The following WDR83OS variants were observed in gnomAD, a reference collection of about 807,000 sequenced individuals.
WDR83OS encodes PAT complex subunit Asterix.
In WDR83OS, 15 loss-of-function variants were observed where a neutral mutation model predicts 13.7. The ratio of observed to expected loss-of-function variants is 1.09; its 90% CI spans 0.73 to 1.69. WDR83OS has a LOEUF of 1.69. WDR83OS is among the 40% of genes most tolerant of loss of function. WDR83OS has a pLI of 0.00. For synonymous variants in WDR83OS, 68 were observed against 52.9 expected (o/e 1.29, Z -1.24); for missense variants, 145 against 143.2 (o/e 1.01, Z -0.06).
intron 3 of WDR83OS, 33 bp downstream of exon 3, chr19:12,668,487 C>G (rs774322587): frequency 1.3e-5 from 21 of 1,613,522 alleles, no homozygotes; most frequent in Non-Finnish European, 1.8e-5. Context: ...ACCCCTTACT[C>G]AAGAGTCACT....
chr19:12,668,211 G>C lies in WDR83OS; in HGVS notation c.*148C>G. On this transcript the variant is annotated 3_prime_UTR_variant, in exon 4 of 4. Transcript: ENST00000596731. ...TAAGCCTAGGGTGTTCCCTAGGAAA[G>C]GGCCAGGTTCCCTCTATCCAGCTGG... 1 of 768,256 alleles carries C rather than the reference G, an allele frequency of 1.3e-6. No individual in the cohort carries two copies. The highest frequency in any genetic ancestry group is 2.7e-5 in the Admixed American group (1 of 36,898). 47.6% of individuals were successfully genotyped at this position (768,256 alleles called of 1,614,324 possible).
In WDR83OS at chr19:12,669,407, G is replaced by A; in HGVS notation, c.-4C>T. On this transcript the variant is annotated 5_prime_UTR_variant, in exon 1 of 4. Transcript: ENST00000596731. ...CCGACATATTGTTAGTGGACATAGC[G>A]AGTCGAAGGCCAGATCACGCCTCTT... is the stretch of plus-strand genomic sequence containing the variant. 6.3e-7 allele frequency: 1 copy of A among 1,594,020 alleles called. No individual in the cohort carries two copies. The highest frequency in any genetic ancestry group is 8.6e-7 in the Non-Finnish European group (1 of 1,169,486).
At chr19:12,669,305 G>T (rs930679814) in intron 1 of WDR83OS, 49 bp downstream of exon 1, 2 of 1,605,980 alleles carry the variant, frequency 1.2e-6, no homozygotes, top group Non-Finnish European at 1.7e-6. Flanking sequence ...CCAGGGCCCC[G>T]ATCCACACCC....
Position 12,668,626 on chromosome 19 carries a change from AG to A in WDR83OS, c.157-10del, listed in dbSNP as rs2024323752. The A allele has an allele frequency of 2.5e-6, 4 of 1,613,128 alleles. No homozygotes were observed. The highest frequency in any genetic ancestry group is 3.4e-6 in the Non-Finnish European group (4 of 1,179,426). Reference sequence around the variant, plus strand: ...CAAGCACACCACTTCAGCTAGGGAAAGGTAAGTGGGTGGGCAGGTTAGTGAA... The same window carrying A: ...CAAGCACACCACTTCAGCTAGGGAAAGTAAGTGGGTGGGCAGGTTAGTGAA... On this transcript the variant is annotated splice_polypyrimidine_tract_variant and intron_variant, in intron 2 of 3. Coordinates refer to ENST00000596731, the MANE Select transcript of WDR83OS (RefSeq NM_016145.4).
chr19:12,669,271 GCC>G, intron 1 of WDR83OS, 38 bp from the exon 2 acceptor site: 2 of 1,611,114 alleles, frequency 1.2e-6, no homozygotes, highest in Non-Finnish European at 1.7e-6. Flanking sequence ...CTCAGGTCCT[GCC>G]CCCGGGATAG....
Position 12,669,167 on chromosome 19 carries a change from C to T in WDR83OS, c.117G>A (p.Leu39=). 1 of 1,614,188 alleles carries T rather than the reference C, an allele frequency of 6.2e-7. No individual in the cohort carries two copies. Among genetic ancestry groups the T allele is most frequent in the South Asian group, 1.1e-5 (1 of 91,088 alleles). Residue 39 remains leucine (L), a synonymous_variant, in exon 2 of 4, where the codon CTG becomes CTA. Transcript: ENST00000596731. ...LDDPTPDYMN[L]LGMIFSMCGL... is the part of the protein sequence containing the mutation. ...CGCACATGCTGAAGATCATGCCCAGCAGGTTCATGTAGTCCGGCGTCGGGT... is the reference window on the plus strand; with the variant it reads ...CGCACATGCTGAAGATCATGCCCAGTAGGTTCATGTAGTCCGGCGTCGGGT...
At position 12,668,592 on chromosome 19, in the gene WDR83OS, A is replaced by G; in HGVS notation, c.182T>C (p.Val61Ala). 1 of 1,614,100 alleles carries G rather than the reference A, an allele frequency of 6.2e-7. No individual in the cohort carries two copies. The highest frequency in any genetic ancestry group is 8.5e-7 in the Non-Finnish European group (1 of 1,180,008). ...GGCAAAGCTGATGAAGGAGCAGTAGACAGCGACCCAAGCACACCACTTCAG... is the reference window on the plus strand; with the variant it reads ...GGCAAAGCTGATGAAGGAGCAGTAGGCAGCGACCCAAGCACACCACTTCAG... ...LKLKWCAWVA[V>A]YCSFISFANS... is the part of the protein sequence containing the mutation. The change falls in exon 3 of 4, where the codon GTC (valine) becomes GCC (alanine). Residue 61 changes from valine to alanine, a missense_variant. By Grantham distance (64) the Val-to-Ala change is moderately conservative. Transcript: ENST00000596731.
At chr19:12,668,493 T>C (rs2024319558) in intron 3 of WDR83OS, 27 bp downstream of exon 3, 2 of 1,613,294 alleles carry the variant, frequency 1.2e-6, no homozygotes, top group South Asian at 2.2e-5. Context: ...TACTCAAGAG[T>C]CACTTGTTCT....
chr19:12,668,101 T>A lies in WDR83OS; in HGVS notation c.*258A>T. 3 of 416,176 alleles carry A rather than the reference T, an allele frequency of 7.2e-6. No individual in the cohort carries two copies. The highest frequency in any genetic ancestry group is 3.0e-5 in the South Asian group (1 of 33,748). 25.8% of individuals were successfully genotyped at this position (416,176 alleles called of 1,614,324 possible). ...AGTGAAAAACTTTATTAACAACAGG[T>A]TTCAACGAGAAAGCAAATGAATACC... On this transcript the variant is annotated 3_prime_UTR_variant, in exon 4 of 4. Transcript: ENST00000596731.
intron 1 of WDR83OS, 56 bp downstream of exon 1, chr19:12,669,298 G>A: frequency 6.2e-7 from 1 of 1,606,044 alleles, no homozygotes; most frequent in Non-Finnish European, 8.5e-7. Context: ...GCGCTTCCCA[G>A]GGCCCCGATC....
At chr19:12,668,492 G>A (rs2024319487) in intron 3 of WDR83OS, 28 bp downstream of exon 3, 1 of 1,613,756 alleles carries the variant, frequency 6.2e-7, no homozygotes, top group Admixed American at 1.7e-5. Context: ...TTACTCAAGA[G>A]TCACTTGTTC....
At chr19:12,668,708 G>T in intron 2 of WDR83OS, 91 bp from the exon 3 acceptor site, 1 of 1,052,220 alleles carries the variant, frequency 9.5e-7, no homozygotes, top group Non-Finnish European at 1.4e-6. Context: ...CATGCCCACT[G>T]ATTCCATCTG....
chr19:12,668,303 A>G lies in WDR83OS; in HGVS notation c.*56T>C. On this transcript the variant is annotated 3_prime_UTR_variant, in exon 4 of 4. Transcript: ENST00000596731. ...GCTGAAGGCAGCAGGTTTAGCAGCC[A>G]AAGCCCAGGCCTAGTGGATAGACAG... The G allele has an allele frequency of 6.4e-7, 1 of 1,558,076 alleles. No individual in the cohort carries two copies. Among genetic ancestry groups the G allele is most frequent in the Middle Eastern group, 1.7e-4 (1 of 5,948 alleles).
rs775516723 is a variant in WDR83OS, at chr19:12,668,604, G to C, written c.170C>G (p.Ala57Gly). Residue 57 changes from alanine (A) to glycine (G), a missense_variant, in exon 3 of 4, where the codon GCT becomes GGT. Physicochemically the swap from Ala to Gly is moderately conservative, Grantham distance 60. Coordinates refer to ENST00000596731, the MANE Select transcript of WDR83OS (RefSeq NM_016145.4). ...CGLMLKLKWC[A>G]WVAVYCSFIS... is the part of the protein sequence containing the mutation. The stretch of plus-strand genomic sequence containing the variant: ...GAAGGAGCAGTAGACAGCGACCCAA[G>C]CACACCACTTCAGCTAGGGAAAGGT... 1 of 1,614,036 alleles carries C rather than the reference G, an allele frequency of 6.2e-7. No individual in the cohort carries two copies. The highest frequency in any genetic ancestry group is 1.1e-5 in the South Asian group (1 of 91,056).
At position 12,669,390 on chromosome 19, in the gene WDR83OS, T is replaced by G; in HGVS notation, c.14A>C (p.Asn5Thr). The change falls in exon 1 of 4, where the codon AAT (asparagine) becomes ACT (threonine). Residue 5 changes from asparagine to threonine, a missense_variant. By Grantham distance (65) the Asn-to-Thr change is moderately conservative. Transcript: ENST00000596731. ...GTTCGGCCTCCGTGGGTCCGACATA[T>G]TGTTAGTGGACATAGCGAGTCGAAG... is the stretch of plus-strand genomic sequence containing the variant. Reference protein sequence around the residue: MSTNNMSDPRRPNKV... With the variant: MSTNTMSDPRRPNKV... 6.3e-7 allele frequency: 1 copy of G among 1,599,806 alleles called. No individual in the cohort carries two copies. The highest frequency in any genetic ancestry group is 1.7e-4 in the Middle Eastern group (1 of 6,046).
In WDR83OS at chr19:12,669,396, G is replaced by C. The variant is rs763450181; in HGVS notation, c.8C>G (p.Thr3Ser). Residue 3 changes from threonine to serine, a missense_variant, in exon 1 of 4, where the codon ACT becomes AGT. Physicochemically the swap from Thr to Ser is moderately conservative, Grantham distance 58. Coordinates refer to ENST00000596731, the MANE Select transcript of WDR83OS (RefSeq NM_016145.4). MS[T>S]NNMSDPRRPN... ...CCTCCGTGGGTCCGACATATTGTTA[G>C]TGGACATAGCGAGTCGAAGGCCAGA... The C allele has an allele frequency of 1.8e-5, 29 of 1,598,482 alleles. No homozygotes were observed. The Admixed American group carries it at 4.0e-4, about 22-fold the overall frequency.
Position 12,668,441 on chromosome 19 carries a change from G to A in WDR83OS, c.255-16C>T, listed in dbSNP as rs1483685832. The A allele has an allele frequency of 6.2e-7, 1 of 1,613,432 alleles. No homozygotes were observed. Among genetic ancestry groups the A allele is most frequent in the East Asian group, 2.2e-5 (1 of 44,860 alleles). ...GATGGACAGCCTGAGACAGGAGAGA[G>A]GTGTCAGTCTAGGATGGCCAGGCTG... On this transcript the variant is annotated splice_polypyrimidine_tract_variant and intron_variant, in intron 3 of 3. Coordinates refer to ENST00000596731, the MANE Select transcript of WDR83OS (RefSeq NM_016145.4).
Position 12,668,564 on chromosome 19 carries a change from G to T in WDR83OS, c.210C>A (p.Asn70Lys). The change falls in exon 3 of 4, where the codon AAC (asparagine) becomes AAA (lysine). Residue 70 changes from asparagine to lysine, a missense_variant. Asn to Lys is a moderately conservative substitution (Grantham distance 94, BLOSUM62 0). Coordinates refer to ENST00000596731, the MANE Select transcript of WDR83OS (RefSeq NM_016145.4). ...AVYCSFISFA[N>K]SRSSEDTKQM... ...GCTTCGTGTCCTCCGAGCTCCGAGAGTTGGCAAAGCTGATGAAGGAGCAGT... is the reference window on the plus strand; with the variant it reads ...GCTTCGTGTCCTCCGAGCTCCGAGATTTGGCAAAGCTGATGAAGGAGCAGT... 1.9e-6 allele frequency: 3 copies of T among 1,614,156 alleles called. No individual in the cohort carries two copies. The highest frequency in any genetic ancestry group is 1.7e-6 in the Non-Finnish European group (2 of 1,180,024).
At position 12,668,354 on chromosome 19, in the gene WDR83OS, TG is replaced by T; in HGVS notation, c.*4del. On this transcript the variant is annotated 3_prime_UTR_variant, in exon 4 of 4. Coordinates refer to ENST00000596731, the MANE Select transcript of WDR83OS (RefSeq NM_016145.4). ...GGTCCAAAATGTGACCCTTCTAGGC[TG>T]GTATCACCATGGGGGCGTCATGGGC... is the stretch of plus-strand genomic sequence containing the variant. 2 of 1,611,102 alleles carry T rather than the reference TG, an allele frequency of 1.2e-6. No homozygotes were observed. Among genetic ancestry groups the T allele is most frequent in the Non-Finnish European group, 1.7e-6 (2 of 1,178,990 alleles).
Sources: gnomAD v4.1 joint callset for allele counts on GRCh38, gnomAD v4.1.1 for gene constraint, MANE v1.5 for transcripts, NCBI Gene and HGNC (gene_info 2026-07-23, HGNC 2026-07-21) for gene names.